LRP1B: variants seen among roughly 807,000 people sequenced by gnomAD.
The protein encoded by LRP1B is low-density lipoprotein receptor-related protein 1B.
A neutral mutation model predicts 556.6 loss-of-function variants in LRP1B; 217 were observed. The ratio of observed to expected loss-of-function variants is 0.39; its 90% CI spans 0.35 to 0.44. LRP1B has a LOEUF of 0.44. Ranked by LOEUF, LRP1B falls within the 20% of genes least tolerant of loss-of-function variation. The probability of loss-of-function intolerance (pLI) is 1.00; values close to 1 mark genes in which losing one functional copy is unlikely to be tolerated. For missense variants in LRP1B, 5,053 were observed against 5,620.8 expected (o/e 0.90, Z 3.23); for synonymous variants, 2,047 against 1,865.8 (o/e 1.10, Z -2.50).
At chr2:140,648,988 A>C (rs1476193406) in intron 41 of LRP1B, among the ~76,000 whole-genome samples, 1 of 152,074 alleles carries the variant, frequency 6.6e-6, no homozygotes, top group Non-Finnish European at 1.5e-5. Context: ...AGAGAAACAA[A>C]CTAACCCAAA....
At chr2:141,901,836 T>C (rs1265797934) in intron 1 of LRP1B, among the ~76,000 whole-genome samples, 2 of 151,886 alleles carry the variant, frequency 1.3e-5, no homozygotes, top group Non-Finnish European at 2.9e-5. Flanking sequence ...ACATAATAAT[T>C]AATCATAATT....
At chr2:141,199,801 C>G (rs966707047) in intron 6 of LRP1B, among the ~76,000 whole-genome samples, 1 of 152,072 alleles carries the variant, frequency 6.6e-6, no homozygotes, top group East Asian at 1.9e-4. Context: ...AGACATACAT[C>G]TGGCCAACAA....
chr2:141,459,396 C>G (rs17548023), intron 3 of LRP1B, among the ~76,000 whole-genome samples: 14,638 of 152,092 alleles, frequency 0.096, 712 homozygotes, highest in South Asian at 0.12. Context: ...TGACATAATT[C>G]AAAACAGAGA....
In LRP1B at chr2:141,061,844, G is replaced by A. The variant is rs79078427; in HGVS notation, c.1236+207C>T. 8.2e-3 allele frequency among the ~76,000 whole-genome samples: 1,245 copies of A among 151,716 alleles called. 8 individuals carry two copies. The highest frequency in any genetic ancestry group is 0.029 in the African/African-American group (1,182 of 41,426). On this transcript the variant is annotated intron_variant, in intron 8 of 90. Transcript: ENST00000389484. ...TTGTTTTCTCTGTTTTTAATAGAAG[G>A]GAGAAAGAGCAAGAGAGGCATCTCC...
chr2:141,750,165 G>T (rs186079864), intron 2 of LRP1B, among the ~76,000 whole-genome samples: 60 of 152,192 alleles, frequency 3.9e-4, no homozygotes, highest in African/African-American at 1.3e-3. Context: ...CCAGAGCGAA[G>T]CACCATCTCC....
chr2:141,752,789 A>C (rs1694162291), intron 2 of LRP1B, among the ~76,000 whole-genome samples: 1 of 149,760 alleles, frequency 6.7e-6, no homozygotes, highest in Admixed American at 6.7e-5. Context: ...AAGCACAAAA[A>C]ATTAGCTGGT....
At chr2:140,304,967 G>C (rs1168593751) in intron 83 of LRP1B, among the ~76,000 whole-genome samples, 2 of 152,120 alleles carry the variant, frequency 1.3e-5, no homozygotes, top group Non-Finnish European at 2.9e-5. Flanking sequence ...GATGATTGTA[G>C]ATGTGTGGTA....
intron 1 of LRP1B, among the ~76,000 whole-genome samples, chr2:142,101,757 A>T (rs1334505740): frequency 6.6e-6 from 1 of 152,028 alleles, no homozygotes; most frequent in Admixed American, 6.6e-5. Context: ...TCTTAACTTT[A>T]TATGGTTTCT....
Position 141,596,340 on chromosome 2 carries a change from A to G in LRP1B, c.206-115807T>C, listed in dbSNP as rs540161846. 1.3e-3 allele frequency among the ~76,000 whole-genome samples: 194 copies of G among 152,150 alleles called. 2 individuals carry two copies. The highest frequency in any genetic ancestry group is 2.4e-3 in the Non-Finnish European group (164 of 67,908). ...CTTGACAAAAAAATCAGAACTTATGAAGGATATGGGAAAATACTGCTTTTT... is the reference window on the plus strand; with the variant it reads ...CTTGACAAAAAAATCAGAACTTATGGAGGATATGGGAAAATACTGCTTTTT... On this transcript the variant is annotated intron_variant, in intron 2 of 90. Coordinates refer to ENST00000389484, the MANE Select transcript of LRP1B (RefSeq NM_018557.3).
intron 7 of LRP1B, among the ~76,000 whole-genome samples, chr2:141,131,787 T>C (rs1701364952): frequency 6.6e-6 from 1 of 152,022 alleles, no homozygotes; most frequent in Admixed American, 6.6e-5. Flanking sequence ...TAGTGTACTA[T>C]GGTAACATGA....
chr2:141,257,428 G>A (rs1036791462), intron 3 of LRP1B, among the ~76,000 whole-genome samples: 1 of 152,108 alleles, frequency 6.6e-6, no homozygotes, highest in Non-Finnish European at 1.5e-5. Flanking sequence ...ATCCAAAGTA[G>A]AAAATCCAAA....
chr2:141,162,829 T>A (rs1410620983), intron 7 of LRP1B, among the ~76,000 whole-genome samples: 1 of 152,148 alleles, frequency 6.6e-6, no homozygotes, highest in Non-Finnish European at 1.5e-5. Context: ...CCTCCATGCA[T>A]CCTCTTGGCA....
At chr2:141,634,688 G>A (rs200700328) in intron 2 of LRP1B, among the ~76,000 whole-genome samples, 2 of 151,778 alleles carry the variant, frequency 1.3e-5, no homozygotes, top group East Asian at 3.9e-4. Context: ...ATATACAAAA[G>A]AGGTATATAG....
chr2:140,242,554 A>G (rs1188116488), intron 87 of LRP1B, among the ~76,000 whole-genome samples: 1 of 151,142 alleles, frequency 6.6e-6, no homozygotes, highest in Non-Finnish European at 1.5e-5. Flanking sequence ...ATATTGCTTG[A>G]TGTATAACAG....
intron 2 of LRP1B, among the ~76,000 whole-genome samples, chr2:141,571,268 A>T (rs886103520): frequency 2.0e-5 from 3 of 150,834 alleles, no homozygotes; most frequent in Non-Finnish European, 3.0e-5. Flanking sequence ...AGTGAATCAG[A>T]TGAATAGGGC....
At chr2:140,546,536 G>A in intron 43 of LRP1B, among the ~76,000 whole-genome samples, 1 of 152,142 alleles carries the variant, frequency 6.6e-6, no homozygotes, top group Non-Finnish European at 1.5e-5. Context: ...GAAGTGCAGA[G>A]CAAAGAAGGG....
chr2:142,018,842 C>T (rs1026230282), intron 1 of LRP1B, among the ~76,000 whole-genome samples: 1 of 151,672 alleles, frequency 6.6e-6, no homozygotes, highest in East Asian at 1.9e-4. Context: ...AGATAAATGC[C>T]TAAATTCTCC....
At chr2:142,015,120 C>T (rs980311054) in intron 1 of LRP1B, among the ~76,000 whole-genome samples, 5 of 152,024 alleles carry the variant, frequency 3.3e-5, no homozygotes, top group Admixed American at 2.6e-4. Flanking sequence ...CCTGAAGTTA[C>T]TTTTATAAAT....
chr2:141,509,146 G>T (rs1298159219), intron 2 of LRP1B, among the ~76,000 whole-genome samples: 2 of 152,054 alleles, frequency 1.3e-5, no homozygotes, highest in African/African-American at 4.8e-5. Context: ...AAGAAAGAAA[G>T]ATACTTCCTC....
Sources: allele counts gnomAD v4.1 joint callset (sites outside exome capture counted in the v4.1 genomes callset), GRCh38; gene constraint gnomAD v4.1.1; transcripts MANE v1.5; gene names NCBI Gene and HGNC (gene_info 2026-07-23, HGNC 2026-07-21).